The following SIM1 variants were observed in gnomAD, a reference collection of about 807,000 sequenced individuals.
SIM1 encodes single-minded homolog 1.
In SIM1, 18 loss-of-function variants were observed where a neutral mutation model predicts 78.2. The observed-to-expected ratio is 0.23, with a 90% CI of 0.16 to 0.34. The LOEUF is 0.34. Ranked by LOEUF, SIM1 falls within the 10% of genes least tolerant of loss-of-function variation. SIM1 has a pLI of 1.00. For synonymous variants in SIM1, 417 were observed against 385.2 expected (o/e 1.08, Z -0.97); for missense variants, 939 against 975.1 (o/e 0.96, Z 0.49).
At chr6:100,412,682 A>AG (rs1491437422) in intron 10 of SIM1, among the ~76,000 whole-genome samples, 15 of 118,366 alleles carry the variant, frequency 1.3e-4, no homozygotes, top group African/African-American at 3.9e-4. Flanking sequence ...AGAAAGAAAG[A>AG]AAAAGAAAGA....
Position 100,447,298 on chromosome 6 carries a change from T to C in SIM1, c.968A>G (p.His323Arg), listed in dbSNP as rs753258564. The change falls in exon 9 of 12, where the codon CAC (histidine) becomes CGC (arginine). Residue 323 changes from histidine (H) to arginine (R), a missense_variant. Physicochemically the swap from His to Arg is conservative, Grantham distance 29. Coordinates refer to ENST00000369208, the MANE Select transcript of SIM1 (RefSeq NM_005068.3). ...IVHNSRSSRP[H>R]CIVSVNYVLT... Reference sequence around the variant, plus strand: ...GACATAGTTGACGCTGACGATACAGTGTGGCCTGGAGGAGCGACTGTTGTG... The same window carrying C: ...GACATAGTTGACGCTGACGATACAGCGTGGCCTGGAGGAGCGACTGTTGTG... 1.2e-6 allele frequency: 2 copies of C among 1,614,204 alleles called. No individual in the cohort carries two copies. The highest frequency in any genetic ancestry group is 1.7e-6 in the Non-Finnish European group (2 of 1,180,034).
chr6:100,432,669 A>G (rs886918244), intron 9 of SIM1, among the ~76,000 whole-genome samples: 7 of 152,166 alleles, frequency 4.6e-5, no homozygotes, highest in Admixed American at 3.9e-4. Context: ...GCATAGCTGC[A>G]GGGTTTAGTC....
chr6:100,411,180 A>C (rs550356428), intron 10 of SIM1, among the ~76,000 whole-genome samples: 45 of 152,330 alleles, frequency 3.0e-4, no homozygotes, highest in Non-Finnish European at 6.0e-4. Context: ...CTGAGATGGA[A>C]GATAGGGTCA....
chr6:100,448,538 G>A lies in SIM1; in HGVS notation c.684C>T (p.His228=). Residue 228 remains histidine, a synonymous_variant, in exon 7 of 12, where the codon CAC becomes CAT. Transcript: ENST00000369208. The part of the protein sequence containing the change: ...PPSAVTEIKL[H]SNMFMFRASL... ...TGGCGCGGAACATAAACATATTGCT[G>A]TGTAGCTTGATCTCCGTGACGGCGC... 1.9e-6 allele frequency: 3 copies of A among 1,614,170 alleles called. No individual in the cohort carries two copies. The highest frequency in any genetic ancestry group is 2.5e-6 in the Non-Finnish European group (3 of 1,180,046).
chr6:100,392,764 G>A (rs912046805), intron 11 of SIM1, among the ~76,000 whole-genome samples: 4 of 152,152 alleles, frequency 2.6e-5, no homozygotes, highest in Non-Finnish European at 4.4e-5. Flanking sequence ...TCCAAAGACC[G>A]GTCTGGACCC....
In SIM1 at chr6:100,450,321, A is replaced by C. The variant is rs749215684; in HGVS notation, c.294T>G (p.Asp98Glu). The change falls in exon 4 of 12, where the codon GAT becomes GAG. Residue 98 changes from aspartate (D) to glutamate (E), a missense_variant. By Grantham distance (45) the Asp-to-Glu change is conservative. Transcript: ENST00000369208. The stretch of plus-strand genomic sequence containing the variant: ...TCTCTGAGATGTACATGATCTTCCC[A>C]TCTGGGGCTACCACGAAGATGAAGC... ...LDGFIFVVAP[D>E]GKIMYISETA... 1 of 1,614,118 alleles carries C rather than the reference A, an allele frequency of 6.2e-7. No individual in the cohort carries two copies. The highest frequency in any genetic ancestry group is 1.1e-5 in the South Asian group (1 of 91,078).
chr6:100,454,154 T>C (rs1772586431), intron 2 of SIM1, among the ~76,000 whole-genome samples: 1 of 152,164 alleles, frequency 6.6e-6, no homozygotes, highest in Non-Finnish European at 1.5e-5. Context: ...ATAACTTTCA[T>C]GTAGGTTCAC....
At chr6:100,439,762 G>T (rs1224788732) in intron 9 of SIM1, among the ~76,000 whole-genome samples, 1 of 152,126 alleles carries the variant, frequency 6.6e-6, no homozygotes, top group Non-Finnish European at 1.5e-5. Context: ...AGTTTCTTAT[G>T]ATCTCTTTTT....
At chr6:100,411,984 C>T (rs1299934743) in intron 10 of SIM1, among the ~76,000 whole-genome samples, 2 of 151,948 alleles carry the variant, frequency 1.3e-5, no homozygotes, top group African/African-American at 2.4e-5. Flanking sequence ...AGGTAGGGGA[C>T]CAACAAGAGA....
At chr6:100,422,312 T>G (rs1771612959) in intron 9 of SIM1, among the ~76,000 whole-genome samples, 1 of 152,136 alleles carries the variant, frequency 6.6e-6, no homozygotes, top group Non-Finnish European at 1.5e-5. Context: ...CAAGCGATTT[T>G]CTTGCCTCAG....
chr6:100,448,401 G>A (rs1772418384), intron 7 of SIM1, 78 bp downstream of exon 7: 1 of 1,488,738 alleles, frequency 6.7e-7, no homozygotes, highest in South Asian at 1.2e-5. Flanking sequence ...GGGCTCATAG[G>A]ATAGACGGAA....
At chr6:100,427,877 CT>C (rs1212232725) in intron 9 of SIM1, among the ~76,000 whole-genome samples, 2 of 152,196 alleles carry the variant, frequency 1.3e-5, no homozygotes, top group Non-Finnish European at 1.5e-5. Flanking sequence ...TAAATTCCTT[CT>C]CTTATAACAG....
At chr6:100,419,529 T>G (rs1272235955) in intron 10 of SIM1, among the ~76,000 whole-genome samples, 1 of 152,208 alleles carries the variant, frequency 6.6e-6, no homozygotes, top group East Asian at 1.9e-4. Flanking sequence ...AAGAAAACAA[T>G]AGTTTCTATA....
chr6:100,417,668 C>T (rs1037870397), intron 10 of SIM1, among the ~76,000 whole-genome samples: 1 of 152,160 alleles, frequency 6.6e-6, no homozygotes, highest in South Asian at 2.1e-4. Flanking sequence ...TTGCCCTGGA[C>T]AACATGCTTT....
At chr6:100,453,669 T>C in intron 3 of SIM1, 93 bp downstream of exon 3, 1 of 957,078 alleles carries the variant, frequency 1.0e-6, no homozygotes, top group Non-Finnish European at 1.6e-6. Flanking sequence ...GTTTTTTTTT[T>C]GTTTTTGTTT....
At chr6:100,415,073 G>A (rs886101565) in intron 10 of SIM1, among the ~76,000 whole-genome samples, 1 of 152,160 alleles carries the variant, frequency 6.6e-6, no homozygotes, top group Non-Finnish European at 1.5e-5. Context: ...TACTGACTAG[G>A]GAAAAGGCAA....
chr6:100,429,993 C>A (rs1771859903), intron 9 of SIM1, among the ~76,000 whole-genome samples: 1 of 152,098 alleles, frequency 6.6e-6, no homozygotes, highest in South Asian at 2.1e-4. Context: ...ATAGAATGAT[C>A]TGTCTCTGAA....
chr6:100,440,224 G>A (rs1772173022), intron 9 of SIM1, among the ~76,000 whole-genome samples: 1 of 152,096 alleles, frequency 6.6e-6, no homozygotes, highest in Non-Finnish European at 1.5e-5. Flanking sequence ...GGGTACGAAT[G>A]TCCCCATTTC....
At chr6:100,455,676 A>G (rs1178182665) in intron 2 of SIM1, among the ~76,000 whole-genome samples, 1 of 152,168 alleles carries the variant, frequency 6.6e-6, no homozygotes, top group African/African-American at 2.4e-5. Flanking sequence ...CTTAAACCCC[A>G]AAGATTGGCG....
Sources: allele counts gnomAD v4.1 joint callset (sites outside exome capture counted in the v4.1 genomes callset), GRCh38; gene constraint gnomAD v4.1.1; transcripts MANE v1.5; gene names NCBI Gene and HGNC (gene_info 2026-07-23, HGNC 2026-07-21).